Variants in PCDHGA6 observed in about 807,000 individuals in gnomAD.
The protein encoded by PCDHGA6 is protocadherin gamma-A6.
A neutral mutation model predicts 60.6 loss-of-function variants in PCDHGA6; 41 were observed. The observed-to-expected ratio is 0.68, with a 90% CI of 0.53 to 0.88. PCDHGA6 has a LOEUF of 0.88. Ranked by LOEUF, PCDHGA6 falls within the 40% of genes least tolerant of loss-of-function variation. The pLI, the probability that PCDHGA6 is intolerant of heterozygous loss-of-function variation, is 0.00. For synonymous variants in PCDHGA6, 594 were observed against 524.4 expected, an observed-to-expected ratio of 1.13 and a Z score of -1.81; for missense variants, 1,312 against 1,203.0, an observed-to-expected ratio of 1.09 and a Z score of -1.34.
At position 141,404,863 on chromosome 5, in the gene PCDHGA6, G is replaced by A. The variant is rs370856862; in HGVS notation, c.2424+28356G>A. 507 of 1,613,746 alleles carry A rather than the reference G, an allele frequency of 3.1e-4. 2 individuals are homozygous for A. The highest frequency in any genetic ancestry group is 3.8e-4 in the Non-Finnish European group (451 of 1,179,902). On this transcript the variant is annotated intron_variant, in intron 1 of 3. Coordinates refer to ENST00000517434, the MANE Select transcript of PCDHGA6 (RefSeq NM_018919.3). ...CTCGGGCCCTGCTAGATAGAGATGC[G>A]CTCAAACAGAGCCTTGTGGTGGCTG...
At position 141,489,068 on chromosome 5, in the gene PCDHGA6, G is replaced by GGCCCC; in HGVS notation, c.2425-5739_2425-5738insGCCCC. On this transcript the variant is annotated intron_variant, in intron 1 of 3. Coordinates refer to ENST00000517434, the MANE Select transcript of PCDHGA6 (RefSeq NM_018919.3). This position sits in a 1 kb window ranked among gnomAD's most constrained non-coding sequence, Gnocchi z 4.5. ...CTCAAATTCAGCTCCCCTCCCCCCT[G>GGCCCC]CCCACCCCCGCCACTCGGTGACTAA... 3.4e-6 allele frequency: 1 copy of GGCCCC among 291,558 alleles called. No individual in the cohort carries two copies. 18.1% of individuals were successfully genotyped at this position (291,558 alleles called of 1,614,324 possible). A position where few individuals can be genotyped will look rare whatever the true frequency, so the allele number is the denominator to read the frequency against.
At position 141,450,006 on chromosome 5, in the gene PCDHGA6, C is replaced by CTATTTTTTTTTTT. The variant is rs70988802; in HGVS notation, c.2425-44800_2425-44799insATTTTTTTTTTTT. Among the ~76,000 whole-genome samples, 4 of 132,982 alleles carry CTATTTTTTTTTTT rather than the reference C, an allele frequency of 3.0e-5. 1 individual carries two copies. The highest frequency in any genetic ancestry group is 5.6e-5 in the African/African-American group (2 of 35,576). 87.2% of individuals were successfully genotyped at this position (132,982 alleles called of 152,430 possible). A position where few individuals can be genotyped will look rare whatever the true frequency, so the allele number is the denominator to read the frequency against. Reference sequence around the variant, plus strand: ...CACATTGCATTTAGTTGCCATGTCTCTTTTTTTTTTTTTTTTTTGAGACAG... The same window carrying CTATTTTTTTTTTT: ...CACATTGCATTTAGTTGCCATGTCTCTATTTTTTTTTTTTTTTTTTTTTTTTTTTTTGAGACAG... On this transcript the variant is annotated intron_variant, in intron 1 of 3. Transcript: ENST00000517434.
chr5:141,419,769 C>A (rs773303779), intron 1 of PCDHGA6: 14 of 1,614,006 alleles, frequency 8.7e-6, no homozygotes, highest in East Asian at 4.5e-5. Context: ...GACAAGGACT[C>A]GGTCCGCCAG....
chr5:141,418,980 A>C (rs1219866791), intron 1 of PCDHGA6: 2 of 1,614,004 alleles, frequency 1.2e-6, no homozygotes, highest in Non-Finnish European at 1.7e-6. Flanking sequence ...ACACGGGACC[A>C]AGACTCAGGG....
At chr5:141,492,070 G>T (rs1408035481) in intron 1 of PCDHGA6, 1 of 477,946 alleles carries the variant, frequency 2.1e-6, no homozygotes. Context: ...CCTCCTAGGC[G>T]CCGGCTCCGG....
chr5:141,448,912 T>C (rs1195715286), intron 1 of PCDHGA6, among the ~76,000 whole-genome samples: 1 of 152,152 alleles, frequency 6.6e-6, no homozygotes, highest in Non-Finnish European at 1.5e-5. Flanking sequence ...GCCACTGCAC[T>C]CCAGCCTGGG....
chr5:141,422,062 A>C, intron 1 of PCDHGA6: 4 of 1,612,140 alleles, frequency 2.5e-6, no homozygotes, highest in Non-Finnish European at 3.4e-6. Context: ...CGGGGAAGTA[A>C]TGTATTCATT....
intron 1 of PCDHGA6, chr5:141,411,352 C>T (rs1002274073): frequency 2.6e-5 from 4 of 152,176 alleles, no homozygotes; most frequent in African/African-American, 9.7e-5. Flanking sequence ...GAAAGTATCA[C>T]TTGAGCCCAA....
rs367731612 is a variant in PCDHGA6, at chr5:141,419,406, C to T, written c.2424+42899C>T. The T allele has an allele frequency of 6.5e-5, 105 of 1,613,522 alleles. 1 individual carries two copies. The South Asian group carries it at 1.0e-3, about 16-fold the overall frequency. Reference sequence around the variant, plus strand: ...AGCGCGCAGAGCGGGGTGGTGTTCGCGCAGCGCGCCTTCGACCACGAGCAG... The same window carrying T: ...AGCGCGCAGAGCGGGGTGGTGTTCGTGCAGCGCGCCTTCGACCACGAGCAG... On this transcript the variant is annotated intron_variant, in intron 1 of 3. Transcript: ENST00000517434.
At chr5:141,492,009 G>C in intron 1 of PCDHGA6, 1 of 617,702 alleles carries the variant, frequency 1.6e-6, no homozygotes, top group Non-Finnish European at 2.7e-6. Flanking sequence ...GATTTCCGCG[G>C]GTGTCGGGGG....
chr5:141,484,603 G>T (rs1460433183), intron 1 of PCDHGA6, among the ~76,000 whole-genome samples: 1 of 152,008 alleles, frequency 6.6e-6, no homozygotes, highest in Non-Finnish European at 1.5e-5. Context: ...TAGAATACTG[G>T]TTGATGACAA....
rs73280911 is a variant in PCDHGA6, at chr5:141,446,356, A to C, written c.2425-48451A>C. Among the ~76,000 whole-genome samples the C allele has an allele frequency of 2.0e-5, 3 of 152,188 alleles. No individual in the cohort carries two copies. In the South Asian group the frequency reaches 6.2e-4, roughly 31 times the overall value. On this transcript the variant is annotated intron_variant, in intron 1 of 3. Transcript: ENST00000517434. ...ACTGGATGGACAAAGCTACCATTTGATGAGAATGGAAGACTAAAGAATGAT... is the reference window on the plus strand; with the variant it reads ...ACTGGATGGACAAAGCTACCATTTGCTGAGAATGGAAGACTAAAGAATGAT...
intron 1 of PCDHGA6, chr5:141,478,480 G>T: frequency 2.5e-6 from 4 of 1,613,564 alleles, no homozygotes; most frequent in Non-Finnish European, 3.4e-6. Flanking sequence ...GCCAGAACAC[G>T]CTGCGGAGCT....
intron 1 of PCDHGA6, chr5:141,478,541 G>T (rs905837179): frequency 1.2e-6 from 2 of 1,605,590 alleles, no homozygotes; most frequent in Non-Finnish European, 1.7e-6. Flanking sequence ...CGCCCCTCCC[G>T]GACAGGTAAG....
chr5:141,504,224 C>T (rs2099836716), intron 2 of PCDHGA6, among the ~76,000 whole-genome samples: 2 of 152,160 alleles, frequency 1.3e-5, no homozygotes, highest in African/African-American at 4.8e-5. Flanking sequence ...TAGAGCTGAA[C>T]CTTCTAAGAA....
chr5:141,405,108 G>A, intron 1 of PCDHGA6: 1 of 1,613,960 alleles, frequency 6.2e-7, no homozygotes, highest in Non-Finnish European at 8.5e-7. Flanking sequence ...CTGAGGCACT[G>A]GCACTCCTCG....
At chr5:141,385,397 A>T (rs1023066700) in intron 1 of PCDHGA6, 2 of 1,492,858 alleles carry the variant, frequency 1.3e-6, no homozygotes, top group Non-Finnish European at 1.8e-6. Flanking sequence ...TGCAAAACAA[A>T]TGTTTTGAAA....
At chr5:141,500,185 TTTA>T (rs549090582) in intron 2 of PCDHGA6, among the ~76,000 whole-genome samples, 1 of 55,104 alleles carries the variant, frequency 1.8e-5, no homozygotes, top group Non-Finnish European at 3.2e-5. Flanking sequence ...CATTTTTATT[TTTA>T]TTTATTTATT....
At chr5:141,465,922 T>A (rs7704812) in intron 1 of PCDHGA6, among the ~76,000 whole-genome samples, 42,795 of 151,826 alleles carry the variant, frequency 0.28, 6,697 homozygotes, top group African/African-American at 0.42. Flanking sequence ...GGATTTCGAG[T>A]CCATCCTGGC....
Sources: allele counts gnomAD v4.1 joint callset (sites outside exome capture counted in the v4.1 genomes callset), GRCh38; gene constraint gnomAD v4.1.1; non-coding constraint Gnocchi (gnomAD v3.1); transcripts MANE v1.5; gene names NCBI Gene and HGNC (gene_info 2026-07-23, HGNC 2026-07-21).